Variants in RARB observed in about 807,000 individuals in gnomAD.
RARB encodes HBV-activated protein.
Under a neutral mutation model 51.9 loss-of-function variants are expected in RARB, and 17 were observed. The ratio of observed to expected loss-of-function variants is 0.33; its 90% CI spans 0.22 to 0.49. The LOEUF (loss-of-function observed/expected upper bound fraction) is 0.49, where lower values mean the gene tolerates loss of function less well. Ranked by LOEUF, RARB falls within the 20% of genes least tolerant of loss-of-function variation. The probability of loss-of-function intolerance (pLI) is 0.99; values close to 1 mark genes in which losing one functional copy is unlikely to be tolerated. For synonymous variants in RARB, 215 were observed against 195.4 expected, an observed-to-expected ratio of 1.10 and a Z score of -0.84; for missense variants, 369 against 550.8, an observed-to-expected ratio of 0.67 and a Z score of 3.30.
chr3:24,993,516 T>C (rs1432518304), intron 2 of RARB, among the ~76,000 whole-genome samples: 3 of 152,196 alleles, frequency 2.0e-5, no homozygotes, highest in Non-Finnish European at 4.4e-5. Context: ...AAATATTGAC[T>C]ATGTTGGGAA....
At chr3:25,334,179 T>C (rs910250284) in intron 5 of RARB, among the ~76,000 whole-genome samples, 1 of 152,158 alleles carries the variant, frequency 6.6e-6, no homozygotes, top group East Asian at 1.9e-4. Flanking sequence ...TATTACTGGG[T>C]ATATACCCAA....
chr3:25,179,054 T>G (rs1700811808), intron 5 of RARB, among the ~76,000 whole-genome samples: 1 of 152,222 alleles, frequency 6.6e-6, no homozygotes, highest in Non-Finnish European at 1.5e-5. Flanking sequence ...TCTTTTTTAA[T>G]GATCAGAAAG....
At chr3:25,229,144 T>C (rs536637555) in intron 5 of RARB, among the ~76,000 whole-genome samples, 2 of 152,254 alleles carry the variant, frequency 1.3e-5, no homozygotes, top group African/African-American at 4.8e-5. Flanking sequence ...TTGCCAGTTG[T>C]TTTTACACCC....
chr3:25,254,702 C>G (rs535028809), intron 5 of RARB, among the ~76,000 whole-genome samples: 2 of 152,136 alleles, frequency 1.3e-5, no homozygotes, highest in East Asian at 3.9e-4. Context: ...TGCTGGATGA[C>G]TTGGTCGGTC....
intron 5 of RARB, among the ~76,000 whole-genome samples, chr3:25,296,420 G>C (rs915923461): frequency 3.3e-5 from 5 of 152,144 alleles, no homozygotes; most frequent in Non-Finnish European, 7.3e-5. Context: ...CTGGGAACTC[G>C]GGCAAATTAT....
At chr3:24,931,552 A>C (rs4368469) in intron 2 of RARB, among the ~76,000 whole-genome samples, 67,372 of 151,816 alleles carry the variant, frequency 0.44, 15,458 homozygotes, top group East Asian at 0.54. Context: ...GTCACCTGGT[A>C]AAGTCTACAG....
At chr3:25,045,238 G>A (rs1698189755) in intron 2 of RARB, among the ~76,000 whole-genome samples, 1 of 152,160 alleles carries the variant, frequency 6.6e-6, no homozygotes, top group Admixed American at 6.5e-5. Flanking sequence ...TGAGCCAGGA[G>A]GAGAGACCGA....
At chr3:25,518,657 T>C (rs1192822893) in intron 3 of RARB, among the ~76,000 whole-genome samples, 2 of 152,198 alleles carry the variant, frequency 1.3e-5, no homozygotes, top group African/African-American at 4.8e-5. Context: ...ACTCTCCTCT[T>C]CATTCCATTT....
chr3:25,248,951 G>C (rs1019968915), intron 5 of RARB, among the ~76,000 whole-genome samples: 16 of 152,176 alleles, frequency 1.1e-4, no homozygotes, highest in African/African-American at 3.1e-4. Flanking sequence ...AAGTCTTTGA[G>C]CTTTCTGTAT....
At chr3:24,977,137 G>A (rs76172826) in intron 2 of RARB, among the ~76,000 whole-genome samples, 30,368 of 151,880 alleles carry the variant, frequency 0.2, 3,611 homozygotes, top group East Asian at 0.3. Flanking sequence ...TTTTGGTACC[G>A]GTACCATGCT....
chr3:24,838,183 G>T (rs1221366454), intron 1 of RARB, among the ~76,000 whole-genome samples: 1 of 152,168 alleles, frequency 6.6e-6, no homozygotes, highest in African/African-American at 2.4e-5. Flanking sequence ...GCAACAGTGA[G>T]TCCTTGTACT....
chr3:25,060,059 C>T (rs1698518238), intron 2 of RARB: 1 of 151,728 alleles, frequency 6.6e-6, no homozygotes, highest in African/African-American at 2.4e-5. Flanking sequence ...GTGTTAAATA[C>T]AGTGATAGAA....
chr3:25,056,141 G>A (rs1559449870), intron 2 of RARB, among the ~76,000 whole-genome samples: 1 of 152,114 alleles, frequency 6.6e-6, no homozygotes, highest in Admixed American at 6.6e-5. Context: ...TCTATTTCCT[G>A]CTGGTAACAG....
intron 2 of RARB, among the ~76,000 whole-genome samples, chr3:24,871,258 T>C (rs76715455): frequency 0.015 from 2,318 of 152,252 alleles, 55 homozygotes; most frequent in African/African-American, 0.052. Context: ...AATTTTTATT[T>C]TAGTTGTTGA....
chr3:25,229,283 C>T (rs918727799), intron 5 of RARB, among the ~76,000 whole-genome samples: 1 of 152,032 alleles, frequency 6.6e-6, no homozygotes, highest in Non-Finnish European at 1.5e-5. Flanking sequence ...TTATTCACTT[C>T]TACGCATTTT....
intron 5 of RARB, among the ~76,000 whole-genome samples, chr3:25,216,996 T>C (rs1286052812): frequency 1.3e-5 from 2 of 152,106 alleles, no homozygotes; most frequent in African/African-American, 4.8e-5. Context: ...CAGATTTGAT[T>C]GTTTAAGGAT....
At chr3:24,954,403 C>T (rs982447443) in intron 2 of RARB, among the ~76,000 whole-genome samples, 2 of 152,216 alleles carry the variant, frequency 1.3e-5, no homozygotes, top group Non-Finnish European at 2.9e-5. Context: ...AAAAATCAGA[C>T]TTAAGCAGCA....
intron 5 of RARB, among the ~76,000 whole-genome samples, chr3:25,330,085 C>G (rs1278120189): frequency 6.6e-6 from 1 of 152,120 alleles, no homozygotes; most frequent in Non-Finnish European, 1.5e-5. Context: ...AGTTGGAAAA[C>G]ACTCTGCAGG....
At chr3:24,918,099 A>G (rs1481048201) in intron 2 of RARB, among the ~76,000 whole-genome samples, 2 of 152,230 alleles carry the variant, frequency 1.3e-5, no homozygotes, top group African/African-American at 4.8e-5. Context: ...CCTCAATGTG[A>G]ATGTTCAGAA....
Sources: allele counts gnomAD v4.1 joint callset (sites outside exome capture counted in the v4.1 genomes callset), GRCh38; gene constraint gnomAD v4.1.1; transcripts MANE v1.5; gene names NCBI Gene and HGNC (gene_info 2026-07-23, HGNC 2026-07-21).